The following NTNG2 variants were observed in gnomAD, a reference collection of about 807,000 sequenced individuals.
NTNG2 encodes the protein netrin-G2.
A neutral mutation model predicts 47.6 loss-of-function variants in NTNG2; 15 were observed. The observed-to-expected ratio is 0.32, with a 90% CI of 0.21 to 0.49. The LOEUF is 0.49. NTNG2 is among the 20% of genes least tolerant of loss of function. The pLI, the probability that NTNG2 is intolerant of heterozygous loss-of-function variation, is 0.99. For synonymous variants in NTNG2, 307 were observed against 324.6 expected (o/e 0.95, Z 0.58); for missense variants, 578 against 764.6 (o/e 0.76, Z 2.88).
chr9:132,167,971 C>T (rs1375607646), intron 2 of NTNG2, among the ~76,000 whole-genome samples: 4 of 152,206 alleles, frequency 2.6e-5, no homozygotes, highest in African/African-American at 9.7e-5. Flanking sequence ...ACACTAAGAG[C>T]ACACACTCCT....
In NTNG2 at chr9:132,166,732, G is replaced by A; in HGVS notation, c.-100G>A. On this transcript the variant is annotated 5_prime_UTR_variant, in exon 2 of 8. Transcript: ENST00000393229. ...GGGACACCCCGGCCACCCTCGCCTG[G>A]TAGATGTGGCATTTCCATGCTGAGG... 1.8e-6 allele frequency: 2 copies of A among 1,129,240 alleles called. No individual in the cohort carries two copies. Among genetic ancestry groups the A allele is most frequent in the Non-Finnish European group, 2.6e-6 (2 of 754,954 alleles). 70.0% of individuals were successfully genotyped at this position (1,129,240 alleles called of 1,614,324 possible).
intron 2 of NTNG2, among the ~76,000 whole-genome samples, chr9:132,181,562 A>G (rs1836939744): frequency 6.6e-6 from 1 of 151,992 alleles, no homozygotes; most frequent in Non-Finnish European, 1.5e-5. Flanking sequence ...TGATCCGCCC[A>G]CCTCAGCCTC....
intron 4 of NTNG2, among the ~76,000 whole-genome samples, chr9:132,229,349 C>G (rs772775556): frequency 1.6e-4 from 25 of 152,230 alleles, no homozygotes; most frequent in Non-Finnish European, 2.8e-4. Context: ...CTGGGGGTCA[C>G]CTTGACTGGA....
chr9:132,231,319 G>A lies in NTNG2; in HGVS notation c.1054+724G>A. 1 of 456,394 alleles carries A rather than the reference G, an allele frequency of 2.2e-6. No individual in the cohort carries two copies. Among genetic ancestry groups the A allele is most frequent in the Non-Finnish European group, 4.4e-6 (1 of 226,806 alleles). The allele number at this position is 456,394 out of a possible 1,614,324, so 28.3% of individuals were successfully genotyped here. ...GCCTTGCAAACCCCTCCCCCTGGGAGGTCGCCATCTGCTCTGCGAGGCAGC... is the reference window on the plus strand; with the variant it reads ...GCCTTGCAAACCCCTCCCCCTGGGAAGTCGCCATCTGCTCTGCGAGGCAGC... On this transcript the variant is annotated intron_variant, in intron 5 of 7. Coordinates refer to ENST00000393229, the MANE Select transcript of NTNG2 (RefSeq NM_032536.4). This position sits in a 1 kb window ranked among gnomAD's most constrained non-coding sequence, Gnocchi z 4.1.
intron 3 of NTNG2, among the ~76,000 whole-genome samples, chr9:132,205,342 GAA>G (rs758780410): frequency 8.9e-4 from 136 of 152,294 alleles, no homozygotes; most frequent in Non-Finnish European, 1.6e-3. Context: ...GATGCTAAGT[GAA>G]ATAAGCCAGA....
chr9:132,171,852 C>T (rs1364104519), intron 2 of NTNG2, among the ~76,000 whole-genome samples: 3 of 152,236 alleles, frequency 2.0e-5, no homozygotes. Context: ...GCCTCCTTCC[C>T]CCTCTGTGTT....
In NTNG2 at chr9:132,182,669, C is replaced by T. The variant is rs369004253; in HGVS notation, c.214-15297C>T. Among the ~76,000 whole-genome samples, 4 of 152,216 alleles carry T rather than the reference C, an allele frequency of 2.6e-5. 1 individual carries two copies. Among genetic ancestry groups the T allele is most frequent in the Non-Finnish European group, 5.9e-5 (4 of 68,030 alleles). On this transcript the variant is annotated intron_variant, in intron 2 of 7. Transcript: ENST00000393229. The surrounding 1 kb of genome is among the most constrained non-coding windows in gnomAD (Gnocchi z 4.2). ...GAACTGCAGCCTTGGGTACAGAGTA[C>T]GGGTTGTCTCCCAGCAGGAAAGGGA... is the stretch of plus-strand genomic sequence containing the variant.
At chr9:132,190,285 T>A (rs1377589925) in intron 2 of NTNG2, among the ~76,000 whole-genome samples, 5 of 147,500 alleles carry the variant, frequency 3.4e-5, no homozygotes, top group Non-Finnish European at 5.9e-5. Flanking sequence ...TAGCATGTCC[T>A]GGGCTTCATT....
At chr9:132,171,265 C>T (rs1345837562) in intron 2 of NTNG2, among the ~76,000 whole-genome samples, 1 of 152,170 alleles carries the variant, frequency 6.6e-6, no homozygotes, top group Non-Finnish European at 1.5e-5. Context: ...TCAAATTCTC[C>T]AAGCCTCAGT....
At position 132,168,022 on chromosome 9, in the gene NTNG2, A is replaced by G. The variant is rs556303048; in HGVS notation, c.213+978A>G. 5.9e-5 allele frequency among the ~76,000 whole-genome samples: 9 copies of G among 152,326 alleles called. No homozygotes were observed. The South Asian group carries it at 1.7e-3, about 28-fold the overall frequency. On this transcript the variant is annotated intron_variant, in intron 2 of 7. Transcript: ENST00000393229. ...AGTTTGTGGTTTAATTAACGTAGGT[A>G]AAGTGTTCGGAATAGGACCTGGCAC...
At position 132,242,049 on chromosome 9, in the gene NTNG2, C is replaced by T. The variant is rs775038363; in HGVS notation, c.1531C>T (p.Arg511Cys). The T allele has an allele frequency of 3.9e-6, 5 of 1,269,698 alleles. No individual in the cohort carries two copies. The South Asian group carries it at 1.0e-4, about 26-fold the overall frequency. 78.7% of individuals were successfully genotyped at this position (1,269,698 alleles called of 1,614,324 possible). A position where few individuals can be genotyped will look rare whatever the true frequency, so the allele number is the denominator to read the frequency against. The change falls in exon 8 of 8, where the codon CGC becomes TGC. Residue 511 changes from arginine (R) to cysteine (C), a missense_variant. By Grantham distance (180) the Arg-to-Cys change is radical (BLOSUM62 -3). Transcript: ENST00000393229. This position sits in a 1 kb window ranked among gnomAD's most constrained non-coding sequence, Gnocchi z 5.9. ...DCDRAPGAAP[R>C]PATLLGCLLL... ...CGACCGCGCGCCCGGGGCCGCCCCG[C>T]GCCCCGCCACCCTGCTCGGCTGCCT...
chr9:132,203,767 C>A (rs2130776902), intron 3 of NTNG2, among the ~76,000 whole-genome samples: 1 of 152,260 alleles, frequency 6.6e-6, no homozygotes, highest in South Asian at 2.1e-4. Flanking sequence ...GGCAAGATAG[C>A]AAAACAGCCC....
At chr9:132,241,068 G>A (rs766458760) in intron 7 of NTNG2, 24 bp downstream of exon 7, 5 of 1,575,708 alleles carry the variant, frequency 3.2e-6, no homozygotes, top group Non-Finnish European at 3.4e-6. Flanking sequence ...GTCCCCCGTG[G>A]GCGGGGCCTG....
chr9:132,230,450 A>G (rs1366378282), intron 4 of NTNG2, 122 bp from the exon 5 acceptor site: 1 of 796,950 alleles, frequency 1.3e-6, no homozygotes, highest in Non-Finnish European at 2.1e-6. Flanking sequence ...GTGGTGGAGC[A>G]GGTGCTCTTG....
intron 2 of NTNG2, among the ~76,000 whole-genome samples, chr9:132,172,878 T>C (rs1408158158): frequency 6.6e-6 from 1 of 152,036 alleles, no homozygotes; most frequent in Admixed American, 6.6e-5. Flanking sequence ...TACAGGCACC[T>C]GCCACCACGC....
chr9:132,182,246 G>A lies in NTNG2; in HGVS notation c.213+15202G>A, dbSNP rs1282410380. Among the ~76,000 whole-genome samples the A allele has an allele frequency of 6.6e-6, 1 of 152,226 alleles. No individual in the cohort carries two copies. Among genetic ancestry groups the A allele is most frequent in the African/African-American group, 2.4e-5 (1 of 41,428 alleles). On this transcript the variant is annotated intron_variant, in intron 2 of 7. Transcript: ENST00000393229. This position sits in a 1 kb window ranked among gnomAD's most constrained non-coding sequence, Gnocchi z 4.2. ...GAACCTGATTGTTTTTCTGGGGAAG[G>A]AGTGGGGGAAAAAATTGCACCCAAC...
intron 2 of NTNG2, among the ~76,000 whole-genome samples, chr9:132,174,528 C>G (rs1431513384): frequency 6.6e-6 from 1 of 152,176 alleles, no homozygotes; most frequent in Non-Finnish European, 1.5e-5. Flanking sequence ...TCATCTGAAA[C>G]TGGGCATGGC....
chr9:132,181,935 C>A (rs1836975637), intron 2 of NTNG2, among the ~76,000 whole-genome samples: 1 of 152,208 alleles, frequency 6.6e-6, no homozygotes, highest in African/African-American at 2.4e-5. Context: ...TCAGAAAGCG[C>A]CTGATAGACG....
intron 3 of NTNG2, among the ~76,000 whole-genome samples, chr9:132,210,289 C>T (rs1750430112): frequency 6.6e-6 from 1 of 152,146 alleles, no homozygotes; most frequent in Non-Finnish European, 1.5e-5. Flanking sequence ...TTGTCTGAGA[C>T]TTGCCCGCTC....
Sources: allele counts gnomAD v4.1 joint callset (sites outside exome capture counted in the v4.1 genomes callset), GRCh38; gene constraint gnomAD v4.1.1; non-coding constraint Gnocchi (gnomAD v3.1); transcripts MANE v1.5; gene names NCBI Gene and HGNC (gene_info 2026-07-23, HGNC 2026-07-21).